Variants in PEMT observed in about 807,000 individuals in gnomAD.
PEMT encodes the protein phosphatidylethanolamine N-methyltransferase.
A neutral mutation model predicts 27.4 loss-of-function variants in PEMT; 23 were observed. The ratio of observed to expected loss-of-function variants is 0.84; its 90% CI spans 0.60 to 1.19. The LOEUF (loss-of-function observed/expected upper bound fraction) is 1.19. Among genes scored for constraint, PEMT ranks in the 50% most tolerant of loss-of-function variants. The probability of loss-of-function intolerance (pLI) is 0.00; values close to 1 mark genes in which losing one functional copy is unlikely to be tolerated. For missense variants in PEMT, 307 were observed against 310.1 expected (o/e 0.99, Z 0.07); for synonymous variants, 137 against 139.1 (o/e 0.98, Z 0.11).
chr17:17,529,858 CAG>C (rs1330361980), intron 2 of PEMT, among the ~76,000 whole-genome samples: 1 of 152,188 alleles, frequency 6.6e-6, no homozygotes, highest in Non-Finnish European at 1.5e-5. Context: ...TGTCCACTGG[CAG>C]GGGGAGGGGC....
At chr17:17,579,079 T>C (rs1400890831) in intron 1 of PEMT, among the ~76,000 whole-genome samples, 2 of 152,194 alleles carry the variant, frequency 1.3e-5, no homozygotes, top group African/African-American at 4.8e-5. Context: ...TCTCCCACAT[T>C]TTGGGGAAGC....
chr17:17,568,074 CAT>C (rs1491263987), intron 2 of PEMT, among the ~76,000 whole-genome samples: 9 of 152,094 alleles, frequency 5.9e-5, no homozygotes, highest in East Asian at 3.8e-4. Context: ...CACACACACA[CAT>C]GCCACCATCC....
chr17:17,586,292 A>AAAGAAAGAAAGAAAGAAAG (rs1567759756), intron 1 of PEMT, among the ~76,000 whole-genome samples: 6 of 107,184 alleles, frequency 5.6e-5, no homozygotes, highest in Admixed American at 1.7e-4. Flanking sequence ...AAGAAAGAAA[A>AAAGAAAGAAAGAAAGAAAG]AAAAAAACGC....
chr17:17,545,713 A>G (rs1309472308), intron 2 of PEMT, among the ~76,000 whole-genome samples: 1 of 152,192 alleles, frequency 6.6e-6, no homozygotes, highest in Non-Finnish European at 1.5e-5. Flanking sequence ...CTTTTGTGAT[A>G]ATGAAGTTGT....
At chr17:17,551,452 T>A (rs1179238524) in intron 2 of PEMT, among the ~76,000 whole-genome samples, 1 of 151,808 alleles carries the variant, frequency 6.6e-6, no homozygotes, top group East Asian at 1.9e-4. Flanking sequence ...CCCAGCAGGG[T>A]GGAGAAGCTG....
intron 2 of PEMT, among the ~76,000 whole-genome samples, chr17:17,537,489 C>T (rs1028518014): frequency 1.3e-5 from 2 of 152,242 alleles, no homozygotes; most frequent in African/African-American, 4.8e-5. Flanking sequence ...GGACCCTGAG[C>T]CATCCCCGTG....
chr17:17,513,615 C>T lies in PEMT; in HGVS notation c.321-961G>A, dbSNP rs1278984378. Among the ~76,000 whole-genome samples, 2 of 152,006 alleles carry T rather than the reference C, an allele frequency of 1.3e-5. No individual in the cohort carries two copies. On this transcript the variant is annotated intron_variant, in intron 3 of 6. Transcript: ENST00000255389. This position sits in a 1 kb window ranked among gnomAD's most constrained non-coding sequence, Gnocchi z 4.1. ...AAAAGAAAAAAAGAAAAGGCAGTGGCGTGACCAAAAGGGGGTGACTATGAC... is the reference window on the plus strand; with the variant it reads ...AAAAGAAAAAAAGAAAAGGCAGTGGTGTGACCAAAAGGGGGTGACTATGAC...
At chr17:17,583,567 G>A (rs1161112450) in intron 1 of PEMT, among the ~76,000 whole-genome samples, 1 of 152,108 alleles carries the variant, frequency 6.6e-6, no homozygotes, top group Admixed American at 6.6e-5. Context: ...AGGGACCATG[G>A]CAAGCCTCCC....
At chr17:17,591,391 C>G in intron 1 of PEMT, 140 bp downstream of exon 1, 2 of 724,820 alleles carry the variant, frequency 2.8e-6, no homozygotes, top group Middle Eastern at 3.9e-4. Flanking sequence ...GCGGCTCCCC[C>G]ACCCCCGCCA....
At chr17:17,587,811 G>A (rs533749911) in intron 1 of PEMT, among the ~76,000 whole-genome samples, 1 of 152,246 alleles carries the variant, frequency 6.6e-6, no homozygotes, top group South Asian at 2.1e-4. Flanking sequence ...GGGAGGCGGA[G>A]GTTGCAATGA....
rs771345827 is a variant in PEMT at position 17,516,516 on chromosome 17, G to C, written c.321-3862C>G. 1.1e-4 allele frequency among the ~76,000 whole-genome samples: 16 copies of C among 152,128 alleles called. 1 individual carries two copies. The highest frequency in any genetic ancestry group is 4.6e-4 in the Admixed American group (7 of 15,268). Reference sequence around the variant, plus strand: ...CAGGATGGCTCTCCTGCCTCCTCACGACCTGTAAACAGTGGGATAGGCTCA... The same window carrying C: ...CAGGATGGCTCTCCTGCCTCCTCACCACCTGTAAACAGTGGGATAGGCTCA... On this transcript the variant is annotated intron_variant, in intron 3 of 6. Transcript: ENST00000255389.
chr17:17,550,212 C>T (rs990702252), intron 2 of PEMT, among the ~76,000 whole-genome samples: 6 of 152,216 alleles, frequency 3.9e-5, no homozygotes, highest in African/African-American at 7.2e-5. Context: ...AGGACACAGA[C>T]GTTCGTGGTT....
In PEMT at chr17:17,522,292, AG is replaced by A. The variant is rs1322409236; in HGVS notation, c.307del (p.Leu103CysfsTer11). ...GAGCTGTGCTTACCAGTGCGAGCGC[AG>A]GAAGTTCAGGAGCAGGATGGTGACG... ...LSVTILLLNF[L>X]RSHCFTQAML... On this transcript the variant is annotated frameshift_variant, in exon 3 of 7. Coordinates refer to ENST00000255389, the MANE Select transcript of PEMT (RefSeq NM_148172.3). LOFTEE classifies it high-confidence loss of function. The A allele has an allele frequency of 6.2e-7, 1 of 1,612,310 alleles. No individual in the cohort carries two copies. The highest frequency in any genetic ancestry group is 8.5e-7 in the Non-Finnish European group (1 of 1,178,320).
chr17:17,527,253 T>C (rs796302192), intron 2 of PEMT, among the ~76,000 whole-genome samples: 7 of 152,292 alleles, frequency 4.6e-5, no homozygotes, highest in African/African-American at 1.7e-4. Context: ...GTTAGGCTGG[T>C]CTCAAACTCC....
At chr17:17,552,499 C>G (rs933461436) in intron 2 of PEMT, among the ~76,000 whole-genome samples, 1 of 152,212 alleles carries the variant, frequency 6.6e-6, no homozygotes, top group Non-Finnish European at 1.5e-5. Flanking sequence ...TGAGGAGACA[C>G]CTCTGTGGGT....
intron 3 of PEMT, among the ~76,000 whole-genome samples, chr17:17,515,772 G>A (rs1329567254): frequency 6.6e-6 from 1 of 152,212 alleles, no homozygotes; most frequent in Non-Finnish European, 1.5e-5. Flanking sequence ...AACAGAATGA[G>A]GTAATATAGG....
intron 2 of PEMT, among the ~76,000 whole-genome samples, chr17:17,526,242 C>A (rs1907653144): frequency 6.6e-6 from 1 of 152,100 alleles, no homozygotes; most frequent in Admixed American, 6.6e-5. Flanking sequence ...TCACCCACAG[C>A]CTCTACCCTA....
At chr17:17,563,574 T>G (rs964284583) in intron 2 of PEMT, among the ~76,000 whole-genome samples, 7 of 152,196 alleles carry the variant, frequency 4.6e-5, no homozygotes, top group African/African-American at 7.2e-5. Flanking sequence ...CAAAGATCAT[T>G]AATAGCAATA....
intron 2 of PEMT, among the ~76,000 whole-genome samples, chr17:17,558,519 A>C (rs1178845280): frequency 2.0e-5 from 3 of 151,634 alleles, no homozygotes; most frequent in Non-Finnish European, 4.4e-5. Context: ...AAAAAAAAAA[A>C]ACAAAAAACA....
Sources: gnomAD v4.1 joint callset for allele counts (sites outside exome capture counted in the v4.1 genomes callset) on GRCh38, gnomAD v4.1.1 for gene constraint, Gnocchi (gnomAD v3.1) non-coding constraint, MANE v1.5 for transcripts, NCBI Gene and HGNC (gene_info 2026-07-23, HGNC 2026-07-21) for gene names.